Variants in DNM3 observed in about 807,000 individuals in gnomAD.
DNM3 encodes dynamin-3.
Under a neutral mutation model 101.6 loss-of-function variants are expected in DNM3, and 47 were observed. The observed-to-expected ratio is 0.46, with a 90% CI of 0.37 to 0.59. The LOEUF is 0.59. Ranked by LOEUF, DNM3 falls within the 20% of genes least tolerant of loss-of-function variation. The probability of loss-of-function intolerance (pLI) is 0.00; values close to 1 mark genes in which losing one functional copy is unlikely to be tolerated. For synonymous variants in DNM3, 385 were observed against 387.9 expected, an observed-to-expected ratio of 0.99 and a Z score of 0.09; for missense variants, 849 against 1,085.7, an observed-to-expected ratio of 0.78 and a Z score of 3.06.
chr1:171,882,476 G>A (rs1375111120), intron 1 of DNM3, among the ~76,000 whole-genome samples: 1 of 149,122 alleles, frequency 6.7e-6, no homozygotes, highest in Non-Finnish European at 1.5e-5. Context: ...CACCATTTAA[G>A]AGTTAATGGT....
chr1:172,409,002 G>T lies in DNM3; in HGVS notation c.*1161G>T. 1 of 985,342 alleles carries T rather than the reference G, an allele frequency of 1.0e-6. No homozygotes were observed. The highest frequency in any genetic ancestry group is 1.2e-6 in the Non-Finnish European group (1 of 829,868). 61.0% of individuals were successfully genotyped at this position (985,342 alleles called of 1,614,324 possible). A position where few individuals can be genotyped will look rare whatever the true frequency, so the allele number is the denominator to read the frequency against. On this transcript the variant is annotated 3_prime_UTR_variant, in exon 21 of 21. Coordinates refer to ENST00000627582, the MANE Select transcript of DNM3 (RefSeq NM_015569.5). ...CCTATCCAGGTCACTCCAGAAAAGG[G>T]TATTGAAACGTTGAAATCTAAAGCA...
At position 172,164,681 on chromosome 1, in the gene DNM3, G is replaced by A. The variant is rs371194341; in HGVS notation, c.1659+33393G>A. On this transcript the variant is annotated intron_variant, in intron 14 of 20. Transcript: ENST00000627582. ...ACCCTAAAGATGCCAAGCACATGAC[G>A]GTGTAAACCAGAGGGACAGCTATGC... Among the ~76,000 whole-genome samples, 9 of 152,074 alleles carry A rather than the reference G, an allele frequency of 5.9e-5. 1 individual carries two copies. The South Asian group carries it at 6.2e-4, about 11-fold the overall frequency.
At chr1:171,989,169 A>G (rs2045473748) in intron 4 of DNM3, 21 bp downstream of exon 4, 2 of 1,604,462 alleles carry the variant, frequency 1.2e-6, no homozygotes, top group Non-Finnish European at 1.7e-6. Flanking sequence ...GACTACTAAG[A>G]TGAGAAGGAA....
At chr1:172,153,623 C>A (rs891863701) in intron 14 of DNM3, among the ~76,000 whole-genome samples, 8 of 152,070 alleles carry the variant, frequency 5.3e-5, no homozygotes, top group Admixed American at 1.3e-4. Flanking sequence ...TCTCTCCAGC[C>A]CCTATTCGTC....
intron 17 of DNM3, among the ~76,000 whole-genome samples, chr1:172,356,192 T>G (rs907569235): frequency 1.3e-5 from 2 of 152,110 alleles, no homozygotes. Context: ...CGAAAAAATG[T>G]ACTTTAGGAA....
At chr1:172,228,505 AT>A (rs953313269) in intron 14 of DNM3, among the ~76,000 whole-genome samples, 13 of 152,088 alleles carry the variant, frequency 8.5e-5, no homozygotes, top group African/African-American at 3.1e-4. Flanking sequence ...TTTGAAGGGC[AT>A]TTTCCCTCTG....
intron 14 of DNM3, among the ~76,000 whole-genome samples, chr1:172,215,361 C>T (rs935460236): frequency 2.6e-5 from 4 of 152,008 alleles, no homozygotes; most frequent in African/African-American, 9.7e-5. Context: ...GCATATGCCC[C>T]GGTGTCCACA....
chr1:172,357,055 C>G (rs1453567894), intron 17 of DNM3, among the ~76,000 whole-genome samples: 1 of 151,958 alleles, frequency 6.6e-6, no homozygotes, highest in Non-Finnish European at 1.5e-5. Flanking sequence ...AGAATCCATA[C>G]TTACATAAAT....
intron 17 of DNM3, among the ~76,000 whole-genome samples, chr1:172,359,634 A>AT (rs2067640262): frequency 6.6e-6 from 1 of 151,704 alleles, no homozygotes; most frequent in African/African-American, 2.4e-5. Flanking sequence ...AAATAAAAAA[A>AT]AAAAAACCTT....
chr1:172,325,261 C>T lies in DNM3; in HGVS notation c.1893+1921C>T, dbSNP rs76339017. Among the ~76,000 whole-genome samples the T allele has an allele frequency of 1.9e-3, 295 of 152,274 alleles. 7 individuals are homozygous for T. The East Asian group carries it at 0.052, about 27-fold the overall frequency. On this transcript the variant is annotated intron_variant, in intron 17 of 20. Coordinates refer to ENST00000627582, the MANE Select transcript of DNM3 (RefSeq NM_015569.5). ...GCTCTTCAGGGTCTCCAGCTGCCCT[C>T]GGTCACCAACTGTATCTGAACGCTT...
chr1:172,293,655 G>C (rs995524292), intron 15 of DNM3, among the ~76,000 whole-genome samples: 1 of 152,128 alleles, frequency 6.6e-6, no homozygotes, highest in Non-Finnish European at 1.5e-5. Context: ...TTTTAGACCT[G>C]TATCCAACTC....
chr1:171,929,418 T>C (rs547455367), intron 2 of DNM3, among the ~76,000 whole-genome samples: 15 of 151,886 alleles, frequency 9.9e-5, no homozygotes, highest in Non-Finnish European at 1.8e-4. Context: ...CTTCAGTCCC[T>C]GGTTGTCTTG....
intron 14 of DNM3, among the ~76,000 whole-genome samples, chr1:172,212,182 A>G (rs1187379797): frequency 1.3e-5 from 2 of 152,176 alleles, no homozygotes; most frequent in African/African-American, 4.8e-5. Flanking sequence ...AATTGCAATC[A>G]TAGCAAAGAA....
At chr1:172,283,327 A>G (rs1283361685) in intron 15 of DNM3, among the ~76,000 whole-genome samples, 1 of 152,140 alleles carries the variant, frequency 6.6e-6, no homozygotes, top group African/African-American at 2.4e-5. Context: ...AGTTCCTAGA[A>G]CTGGACACAG....
chr1:171,994,649 A>G (rs2045871050), intron 4 of DNM3, among the ~76,000 whole-genome samples: 1 of 151,650 alleles, frequency 6.6e-6, no homozygotes, highest in African/African-American at 2.4e-5. Context: ...AAAATTTTCA[A>G]TGGCCTTTGT....
At chr1:172,323,292 A>C (rs921029060) in intron 16 of DNM3, 37 bp from the exon 17 acceptor site, 2 of 1,569,966 alleles carry the variant, frequency 1.3e-6, no homozygotes, top group Non-Finnish European at 1.7e-6. Context: ...TCTGTTTAAC[A>C]TATTTCTCTT....
chr1:171,855,518 C>T (rs1165575624), intron 1 of DNM3, among the ~76,000 whole-genome samples: 1 of 152,220 alleles, frequency 6.6e-6, no homozygotes, highest in Non-Finnish European at 1.5e-5. Context: ...GTTACCATTT[C>T]TCCATATCTT....
chr1:172,361,232 GAAGA>G (rs2149009439), intron 17 of DNM3, among the ~76,000 whole-genome samples: 1 of 152,102 alleles, frequency 6.6e-6, no homozygotes, highest in Non-Finnish European at 1.5e-5. Flanking sequence ...GTAGAGACTA[GAAGA>G]AAGCTTCGTA....
intron 7 of DNM3, among the ~76,000 whole-genome samples, chr1:172,040,842 C>T (rs879921151): frequency 3.3e-5 from 5 of 152,018 alleles, no homozygotes; most frequent in Non-Finnish European, 5.9e-5. Context: ...GTGTTCTGAG[C>T]AGAAAGAAAA....
Sources: gnomAD v4.1 joint callset for allele counts (sites outside exome capture counted in the v4.1 genomes callset) on GRCh38, gnomAD v4.1.1 for gene constraint, MANE v1.5 for transcripts, NCBI Gene and HGNC (gene_info 2026-07-23, HGNC 2026-07-21) for gene names.